GRIA1: variants seen among roughly 807,000 people sequenced by gnomAD.
GRIA1 encodes the protein glutamate receptor 1.
Under a neutral mutation model 99.2 loss-of-function variants are expected in GRIA1, and 31 were observed. That is an observed-to-expected ratio of 0.31 (90% CI 0.23 to 0.42). The LOEUF is 0.42. GRIA1 is among the 10% of genes least tolerant of loss of function. GRIA1 has a pLI of 1.00. For synonymous variants in GRIA1, 438 were observed against 432.4 expected (o/e 1.01, Z -0.16); for missense variants, 782 against 1,157.5 (o/e 0.68, Z 4.71).
At chr5:153,612,437 C>T (rs922914431) in intron 2 of GRIA1, among the ~76,000 whole-genome samples, 36 of 152,198 alleles carry the variant, frequency 2.4e-4, no homozygotes, top group African/African-American at 8.7e-4. Flanking sequence ...TGCCTTTGTG[C>T]AAGTTAACTT....
chr5:153,776,326 T>A (rs967432078), intron 13 of GRIA1, among the ~76,000 whole-genome samples: 10 of 152,212 alleles, frequency 6.6e-5, no homozygotes, highest in Non-Finnish European at 1.3e-4. Context: ...ACGTAAGCTT[T>A]CTGGGGCTTT....
chr5:153,672,791 CTGCTCA>C (rs1756286856), intron 5 of GRIA1, among the ~76,000 whole-genome samples: 1 of 152,180 alleles, frequency 6.6e-6, no homozygotes, highest in Non-Finnish European at 1.5e-5. Flanking sequence ...CATGGATCCC[CTGCTCA>C]TTTTCCCATT....
At chr5:153,788,390 C>A (rs1765102765) in intron 13 of GRIA1, among the ~76,000 whole-genome samples, 1 of 152,156 alleles carries the variant, frequency 6.6e-6, no homozygotes, top group African/African-American at 2.4e-5. Flanking sequence ...CTCCTCCCTG[C>A]ATTGGGAGAA....
intron 2 of GRIA1, among the ~76,000 whole-genome samples, chr5:153,502,442 T>C (rs373757561): frequency 2.0e-5 from 3 of 152,298 alleles, no homozygotes; most frequent in East Asian, 3.9e-4. Context: ...GTTATTACTG[T>C]GTAGCTCCAA....
chr5:153,562,120 G>A (rs865923003), intron 2 of GRIA1, among the ~76,000 whole-genome samples: 1 of 152,170 alleles, frequency 6.6e-6, no homozygotes, highest in African/African-American at 2.4e-5. Flanking sequence ...GAACAACTAC[G>A]AATGGTGAAT....
At chr5:153,540,901 G>A (rs1455039973) in intron 2 of GRIA1, among the ~76,000 whole-genome samples, 1 of 152,154 alleles carries the variant, frequency 6.6e-6, no homozygotes, top group Non-Finnish European at 1.5e-5. Flanking sequence ...GTAGCTTTGG[G>A]AATTGAATGA....
At chr5:153,676,842 C>T (rs1309896726) in intron 6 of GRIA1, 152 bp from the exon 7 acceptor site, 2 of 470,128 alleles carry the variant, frequency 4.3e-6, no homozygotes, top group East Asian at 3.4e-5. Context: ...GACACCATCC[C>T]TGATTCACCA....
intron 8 of GRIA1, among the ~76,000 whole-genome samples, chr5:153,687,432 C>T (rs1757417961): frequency 6.6e-6 from 1 of 152,146 alleles, no homozygotes; most frequent in Non-Finnish European, 1.5e-5. Context: ...ATTAAATGAT[C>T]TAAGAGTGTG....
chr5:153,491,702 A>G (rs1358076215), intron 1 of GRIA1, among the ~76,000 whole-genome samples: 1 of 151,990 alleles, frequency 6.6e-6, no homozygotes, highest in Non-Finnish European at 1.5e-5. Flanking sequence ...TTACACACAC[A>G]AACACACACA....
intron 2 of GRIA1, among the ~76,000 whole-genome samples, chr5:153,505,244 C>G (rs1022210080): frequency 5.3e-5 from 8 of 152,172 alleles, no homozygotes; most frequent in African/African-American, 1.9e-4. Context: ...CAAAGGTCAA[C>G]TGATTTGGGG....
At chr5:153,686,197 C>G in intron 7 of GRIA1, 28 bp from the exon 8 acceptor site, 14 of 1,515,360 alleles carry the variant, frequency 9.2e-6, no homozygotes, top group Non-Finnish European at 1.3e-5. Context: ...TCTGAGTTCA[C>G]TGCCCACCAC....
chr5:153,655,777 T>C, intron 4 of GRIA1, 42 bp from the exon 5 acceptor site: 1 of 1,563,888 alleles, frequency 6.4e-7, no homozygotes, highest in South Asian at 1.1e-5. Flanking sequence ...TGGCTTTAAC[T>C]GTTAGTATGA....
At chr5:153,655,667 G>A (rs1388252514) in intron 4 of GRIA1, 152 bp from the exon 5 acceptor site, 10 of 647,932 alleles carry the variant, frequency 1.5e-5, no homozygotes, top group Non-Finnish European at 2.8e-5. Flanking sequence ...TGCTAACAAT[G>A]CCACCATCAT....
At chr5:153,508,953 T>C (rs983050588) in intron 2 of GRIA1, among the ~76,000 whole-genome samples, 1 of 152,324 alleles carries the variant, frequency 6.6e-6, no homozygotes, top group African/African-American at 2.4e-5. Flanking sequence ...CAAAAAGACC[T>C]GCTCTCCTTT....
intron 11 of GRIA1, among the ~76,000 whole-genome samples, chr5:153,723,557 A>G (rs13167389): frequency 0.7 from 106,147 of 151,946 alleles, 37,451 homozygotes; most frequent in East Asian, 0.96. Context: ...GCGCTTTTCC[A>G]ATGGACTTAA....
At chr5:153,715,631 A>G (rs553966224) in intron 11 of GRIA1, among the ~76,000 whole-genome samples, 7 of 152,172 alleles carry the variant, frequency 4.6e-5, no homozygotes. Flanking sequence ...CGGGGGTGAC[A>G]CACTGTAAAT....
intron 2 of GRIA1, among the ~76,000 whole-genome samples, chr5:153,532,243 T>C (rs1185485754): frequency 6.6e-6 from 1 of 152,242 alleles, no homozygotes; most frequent in Non-Finnish European, 1.5e-5. Flanking sequence ...ATTACTGTAC[T>C]GATCTTTCTC....
intron 2 of GRIA1, among the ~76,000 whole-genome samples, chr5:153,635,951 G>T (rs1753325362): frequency 6.6e-6 from 1 of 152,198 alleles, no homozygotes; most frequent in Admixed American, 6.5e-5. Flanking sequence ...CAGAACCTCT[G>T]TCCTTGTGCC....
At chr5:153,628,202 C>T (rs11746246) in intron 2 of GRIA1, among the ~76,000 whole-genome samples, 35,360 of 152,084 alleles carry the variant, frequency 0.23, 4,527 homozygotes, top group Non-Finnish European at 0.3. Context: ...GAGGTGGTGT[C>T]TAAGTGGGAC....
Sources: gnomAD v4.1 joint callset for allele counts (sites outside exome capture counted in the v4.1 genomes callset) on GRCh38, gnomAD v4.1.1 for gene constraint, MANE v1.5 for transcripts, NCBI Gene and HGNC (gene_info 2026-07-23, HGNC 2026-07-21) for gene names.